Variants in PAH observed in about 807,000 individuals in gnomAD.
The protein encoded by PAH is phenylalanine-4-hydroxylase.
In PAH, 64 loss-of-function variants were observed where a neutral mutation model predicts 62.0. The ratio of observed to expected loss-of-function variants is 1.03; its 90% CI spans 0.84 to 1.27. The LOEUF (loss-of-function observed/expected upper bound fraction) is 1.27, where lower values mean the gene tolerates loss of function less well. PAH is among the 50% of genes most tolerant of loss of function. The probability of loss-of-function intolerance (pLI) is 0.00; values close to 1 mark genes in which losing one functional copy is unlikely to be tolerated. For missense variants in PAH, 579 were observed against 542.8 expected, an observed-to-expected ratio of 1.07 and a Z score of -0.66; for synonymous variants, 195 against 196.2, an observed-to-expected ratio of 0.99 and a Z score of 0.05.
intron 2 of PAH, among the ~76,000 whole-genome samples, chr12:102,898,539 G>A (rs1384036256): frequency 6.6e-6 from 1 of 152,186 alleles, no homozygotes; most frequent in East Asian, 1.9e-4. Flanking sequence ...TTGAAGAGGT[G>A]TATCTTTTGC....
chr12:102,916,169 A>C (rs1481091189), intron 1 of PAH, among the ~76,000 whole-genome samples: 1 of 152,150 alleles, frequency 6.6e-6, no homozygotes, highest in Non-Finnish European at 1.5e-5. Flanking sequence ...GATTCAAATA[A>C]AAATCAGTCC....
rs199475571 is a variant in PAH at position 102,877,532 on chromosome 12, G to T, written c.371C>A (p.Thr124Asn). The change falls in exon 4 of 13, where the codon ACC becomes AAC. Residue 124 changes from threonine (T) to asparagine (N), a missense_variant. Thr to Asn is a moderately conservative substitution (Grantham distance 65). Transcript: ENST00000553106. ...KKDTVPWFPR[T>N]IQELDRFANQ... is the part of the protein sequence containing the mutation. ...GGCAAATCTGTCCAGCTCTTGAATG[G>T]TTCTTGGGAACCAGGGCACTGAAAC... is the stretch of plus-strand genomic sequence containing the variant. The T allele has an allele frequency of 5.6e-6, 9 of 1,613,904 alleles. No homozygotes were observed. The highest frequency in any genetic ancestry group is 2.7e-5 in the African/African-American group (2 of 74,904).
In PAH at chr12:102,852,961, A is replaced by G; in HGVS notation, c.707-11T>C. ...GGAAACCAGTGCAAGCTGGGATGAA[A>G]AGAAGAAAGAAAACTCAAAGCTCAT... On this transcript the variant is annotated splice_polypyrimidine_tract_variant and intron_variant, in intron 6 of 12. Transcript: ENST00000553106. The G allele has an allele frequency of 6.2e-7, 1 of 1,613,906 alleles. No individual in the cohort carries two copies. Among genetic ancestry groups the G allele is most frequent in the African/African-American group, 1.3e-5 (1 of 75,028 alleles).
rs62508649 is a variant in PAH, at chr12:102,840,396, T to C, written c.1315+4A>G. The C allele has an allele frequency of 6.3e-7, 1 of 1,587,914 alleles. No individual in the cohort carries two copies. The highest frequency in any genetic ancestry group is 8.6e-7 in the Non-Finnish European group (1 of 1,156,280). ...AGTGGCCTCGTAAGGTGTAAATTAC[T>C]TACTGTTAATGGAATCAGCCAAAAT... is the stretch of plus-strand genomic sequence containing the variant. On this transcript the variant is annotated splice_donor_region_variant and intron_variant, in intron 12 of 12. Transcript: ENST00000553106.
At chr12:102,908,837 CTTTTTTTT>C (rs3062641) in intron 2 of PAH, among the ~76,000 whole-genome samples, 1 of 119,998 alleles carries the variant, frequency 8.3e-6, no homozygotes, top group South Asian at 2.8e-4. Flanking sequence ...CCTCATGTCT[CTTTTTTTT>C]TTTTTTTTTT....
At chr12:102,889,144 T>C (rs115941326) in intron 3 of PAH, among the ~76,000 whole-genome samples, 5,959 of 152,198 alleles carry the variant, frequency 0.039, 205 homozygotes, top group African/African-American at 0.087. Flanking sequence ...AAATCTTGTC[T>C]CCTAAAAATT....
At chr12:102,891,160 G>A (rs572401471) in intron 3 of PAH, among the ~76,000 whole-genome samples, 10 of 152,140 alleles carry the variant, frequency 6.6e-5, no homozygotes, top group Non-Finnish European at 1.0e-4. Context: ...GAGAACAGGC[G>A]GAATCACACC....
At chr12:102,924,000 G>A (rs1204642445) in intron 1 of PAH, among the ~76,000 whole-genome samples, 2 of 152,170 alleles carry the variant, frequency 1.3e-5, no homozygotes, top group Non-Finnish European at 2.9e-5. Flanking sequence ...CACGAGTTAG[G>A]CAGTTTCTAC....
chr12:102,843,738 C>T lies in PAH; in HGVS notation c.1107G>A (p.Leu369=). 1.2e-6 allele frequency: 2 copies of T among 1,613,856 alleles called. No homozygotes were observed. Among genetic ancestry groups the T allele is most frequent in the Non-Finnish European group, 8.5e-7 (1 of 1,179,832 alleles). Residue 369 remains leucine (L), a synonymous_variant, in exon 11 of 13, where the codon CTG becomes CTA. Coordinates refer to ENST00000553106, the MANE Select transcript of PAH (RefSeq NM_000277.3). ...SEKPKLLPLE[L]EKTAIQNYTV... Reference sequence around the variant, plus strand: ...TGTAATTTTGGATGGCTGTCTTCTCCAGCTCCAGGGGGAGAAGCTTTGGCT... The same window carrying T: ...TGTAATTTTGGATGGCTGTCTTCTCTAGCTCCAGGGGGAGAAGCTTTGGCT...
chr12:102,851,656 T>C, intron 8 of PAH, 31 bp downstream of exon 8: 1 of 1,598,126 alleles, frequency 6.3e-7, no homozygotes, highest in Admixed American at 1.7e-5. Flanking sequence ...CACAGACCTA[T>C]AACTAGAAGG....
intron 8 of PAH, among the ~76,000 whole-genome samples, chr12:102,848,014 T>A (rs75121742): frequency 6.6e-6 from 1 of 152,204 alleles, no homozygotes; most frequent in Non-Finnish European, 1.5e-5. Context: ...ATGTAGAATA[T>A]TTTTAGATGT....
intron 5 of PAH, among the ~76,000 whole-genome samples, chr12:102,857,727 C>T (rs1052212976): frequency 6.6e-6 from 1 of 152,146 alleles, no homozygotes; most frequent in African/African-American, 2.4e-5. Context: ...ACAAACTAAG[C>T]TTCATAAGTG....
At chr12:102,893,720 T>G (rs1877375406) in intron 3 of PAH, among the ~76,000 whole-genome samples, 1 of 152,228 alleles carries the variant, frequency 6.6e-6, no homozygotes, top group African/African-American at 2.4e-5. Context: ...CACAGTCTAT[T>G]CAACTTCAAG....
chr12:102,845,244 G>T lies in PAH; in HGVS notation c.970-813C>A, dbSNP rs143986795. On this transcript the variant is annotated intron_variant, in intron 9 of 12. Transcript: ENST00000553106. ...ATGTAAAGCATGATGGAAAATATCAGGAGGTACTAAGAAGCCCCAAAAGGA... is the reference window on the plus strand; with the variant it reads ...ATGTAAAGCATGATGGAAAATATCATGAGGTACTAAGAAGCCCCAAAAGGA... 6.4e-4 allele frequency among the ~76,000 whole-genome samples: 97 copies of T among 152,238 alleles called. 2 individuals carry two copies. The highest frequency in any genetic ancestry group is 2.3e-3 in the African/African-American group (94 of 41,542).
At chr12:102,903,444 T>G (rs2136714124) in intron 2 of PAH, among the ~76,000 whole-genome samples, 1 of 151,898 alleles carries the variant, frequency 6.6e-6, no homozygotes, top group Middle Eastern at 3.4e-3. Flanking sequence ...ACTCATATGC[T>G]ATCAATAGGC....
At position 102,957,363 on chromosome 12, in the gene PAH, G is replaced by T. The variant is rs550901454; in HGVS notation, c.-96+832C>A. 7.9e-5 allele frequency among the ~76,000 whole-genome samples: 12 copies of T among 152,180 alleles called. No homozygotes were observed. The highest frequency in any genetic ancestry group is 1.5e-4 in the Non-Finnish European group (10 of 67,996). On this transcript the variant is annotated intron_variant, in intron 1 of 4. Coordinates refer to the PAH transcript ENST00000551337. The surrounding 1 kb of genome is among the most constrained non-coding windows in gnomAD (Gnocchi z 4.1). ...CACCCCCTTCCTAAAGCCACCCCCGGCAGCAGCCCGCCCCGAGCGCGCCGC... is the reference window on the plus strand; with the variant it reads ...CACCCCCTTCCTAAAGCCACCCCCGTCAGCAGCCCGCCCCGAGCGCGCCGC...
chr12:102,913,046 T>C (rs373466762), intron 1 of PAH, 148 bp from the exon 2 acceptor site: 147 of 650,002 alleles, frequency 2.3e-4, no homozygotes, highest in African/African-American at 2.1e-3. Flanking sequence ...TACAGAAATA[T>C]GTAGTGTGGT....
chr12:102,850,422 T>C (rs1875092937), intron 8 of PAH, among the ~76,000 whole-genome samples: 1 of 152,214 alleles, frequency 6.6e-6, no homozygotes, highest in South Asian at 2.1e-4. Context: ...GCTTCTTTAT[T>C]TGACAGTGGG....
chr12:102,916,348 C>G (rs1157165191), intron 1 of PAH, among the ~76,000 whole-genome samples: 2 of 152,134 alleles, frequency 1.3e-5, no homozygotes, highest in African/African-American at 4.8e-5. Context: ...TCTCAAGAGT[C>G]CAGGAGCAGA....
Sources: gnomAD v4.1 joint callset for allele counts (sites outside exome capture counted in the v4.1 genomes callset) on GRCh38, gnomAD v4.1.1 for gene constraint, Gnocchi (gnomAD v3.1) non-coding constraint, MANE v1.5 for transcripts, NCBI Gene and HGNC (gene_info 2026-07-23, HGNC 2026-07-21) for gene names.